The following SLC36A1 variants were observed in gnomAD, a reference collection of about 807,000 sequenced individuals.
SLC36A1 encodes solute carrier family 36 member 1, also known as proton-coupled amino acid transporter 1.
In SLC36A1, 30 loss-of-function variants were observed where a neutral mutation model predicts 47.5. That is an observed-to-expected ratio of 0.63 (90% confidence interval 0.47 to 0.86). The LOEUF is 0.86. Ranked by LOEUF, SLC36A1 falls within the 40% of genes least tolerant of loss-of-function variation. The pLI is 0.00. For missense variants in SLC36A1, 517 were observed against 606.0 expected, an observed-to-expected ratio of 0.85 and a Z score of 1.54; for synonymous variants, 255 against 249.7, an observed-to-expected ratio of 1.02 and a Z score of -0.20.
Position 151,463,762 on chromosome 5 carries a change from G to A in SLC36A1, c.234+119G>A, listed in dbSNP as rs1240673734. On this transcript the variant is annotated intron_variant, in intron 3 of 10. Coordinates refer to ENST00000243389, the MANE Select transcript of SLC36A1 (RefSeq NM_078483.4). ...ATAGAGAAGCATTTTAAAAAAATCA[G>A]TTGACAAAAAGCGGAATTCAGACAT... is the stretch of plus-strand genomic sequence containing the variant. The A allele has an allele frequency of 5.0e-6, 4 of 794,292 alleles. No individual in the cohort carries two copies. The Admixed American group carries it at 7.3e-5, about 14-fold the overall frequency. The allele number at this position is 794,292 out of a possible 1,614,324, so 49.2% of individuals were successfully genotyped here. A position where few individuals can be genotyped will look rare whatever the true frequency, so the allele number is the denominator to read the frequency against.
At chr5:151,508,445 C>T in the SLC36A1 span, among the ~76,000 whole-genome samples, 1 of 152,178 alleles carries the variant, frequency 6.6e-6, no homozygotes, top group African/African-American at 2.4e-5. Context: ...CGCAGTGGCT[C>T]ATGCCTGTAA....
chr5:151,496,159 G>A (rs551208780), downstream of SLC36A1, among the ~76,000 whole-genome samples: 12 of 152,236 alleles, frequency 7.9e-5, no homozygotes, highest in South Asian at 2.1e-4. Flanking sequence ...CGCTGTTCTC[G>A]TGATGGTGAA....
the SLC36A1 span, among the ~76,000 whole-genome samples, chr5:151,418,830 G>T: frequency 1.3e-5 from 2 of 152,138 alleles, no homozygotes; most frequent in African/African-American, 4.8e-5. Flanking sequence ...GGCCAGGGTG[G>T]AATGATATGG....
At chr5:151,552,245 C>G in the SLC36A1 span, among the ~76,000 whole-genome samples, 1 of 152,140 alleles carries the variant, frequency 6.6e-6, no homozygotes, top group African/African-American at 2.4e-5. Flanking sequence ...TTCAGCCTCT[C>G]AAGCAGCTGG....
chr5:151,543,765 T>C, the SLC36A1 span: 9 of 1,614,220 alleles, frequency 5.6e-6, no homozygotes, highest in South Asian at 9.9e-5. Context: ...CAGAAGCACC[T>C]ACCCTCAAAT....
chr5:151,406,522 G>C, the SLC36A1 span: 1 of 152,208 alleles, frequency 6.6e-6, no homozygotes, highest in Non-Finnish European at 1.5e-5. Context: ...AGGTCTTCCA[G>C]TTTGCCACTA....
chr5:151,496,747 G>C (rs1255058448), downstream of SLC36A1, among the ~76,000 whole-genome samples: 1 of 152,146 alleles, frequency 6.6e-6, no homozygotes, highest in East Asian at 1.9e-4. Context: ...GTAGAGAGGG[G>C]GCTTTGCCAT....
At chr5:151,377,495 C>T in the SLC36A1 span, among the ~76,000 whole-genome samples, 44 of 151,362 alleles carry the variant, frequency 2.9e-4, no homozygotes, top group South Asian at 3.8e-3. Flanking sequence ...ACTACAGGCG[C>T]GCGCCACCAT....
rs557434906 is a variant in SLC36A1 at position 151,466,020 on chromosome 5, C to T, written c.419+851C>T. 3.3e-5 allele frequency among the ~76,000 whole-genome samples: 5 copies of T among 150,976 alleles called. No individual in the cohort carries two copies. In the South Asian group the frequency reaches 8.4e-4, roughly 25 times the overall value. ...TTTTTGTTGTCATAGAGGAAACTTA[C>T]TTTCATTCATAGTCACCTTTATCCT... On this transcript the variant is annotated intron_variant, in intron 5 of 10. Coordinates refer to ENST00000243389, the MANE Select transcript of SLC36A1 (RefSeq NM_078483.4).
At chr5:151,363,640 A>T in the SLC36A1 span, among the ~76,000 whole-genome samples, 2 of 152,164 alleles carry the variant, frequency 1.3e-5, no homozygotes, top group Non-Finnish European at 2.9e-5. Flanking sequence ...ATCTTGAATT[A>T]ACAGGCAAGC....
chr5:151,460,780 G>A (rs991649636), intron 2 of SLC36A1, among the ~76,000 whole-genome samples: 2 of 150,554 alleles, frequency 1.3e-5, no homozygotes, highest in African/African-American at 4.9e-5. Context: ...TTAGAGACAA[G>A]TTTTTGAGCT....
the SLC36A1 span, among the ~76,000 whole-genome samples, chr5:151,508,655 A>G: frequency 6.6e-6 from 1 of 151,684 alleles, no homozygotes; most frequent in African/African-American, 2.4e-5. Context: ...GGTTGCAGTG[A>G]GCCGAGATTG....
the SLC36A1 span, chr5:151,554,616 C>T: frequency 4.8e-5 from 78 of 1,613,938 alleles, no homozygotes; most frequent in Non-Finnish European, 6.0e-5. Context: ...TCCAAGATGC[C>T]TACCACCACC....
At chr5:151,465,421 G>C (rs1756205231) in intron 5 of SLC36A1, among the ~76,000 whole-genome samples, 1 of 152,198 alleles carries the variant, frequency 6.6e-6, no homozygotes, top group African/African-American at 2.4e-5. Context: ...AGCCATTCCA[G>C]CTTTGGCGGT....
At chr5:151,377,713 A>G in the SLC36A1 span, among the ~76,000 whole-genome samples, 1 of 152,170 alleles carries the variant, frequency 6.6e-6, no homozygotes, top group East Asian at 1.9e-4. Context: ...TGTTGGATGC[A>G]TATATATTTA....
At chr5:151,532,080 G>C in the SLC36A1 span, 236 of 1,411,886 alleles carry the variant, frequency 1.7e-4, no homozygotes, top group Non-Finnish European at 2.2e-4. Flanking sequence ...CCATGAAGGC[G>C]GACAAGCTGG....
the SLC36A1 span, chr5:151,528,071 C>A: frequency 6.2e-7 from 1 of 1,614,200 alleles, no homozygotes; most frequent in Non-Finnish European, 8.5e-7. Flanking sequence ...CAAGCTGGTT[C>A]CCTCCTATGA....
At chr5:151,433,243 TATATATATATATATATATATA>T (rs1759503772), upstream of SLC36A1, among the ~76,000 whole-genome samples, 1 of 12,062 alleles carries the variant, frequency 8.3e-5, no homozygotes, top group African/African-American at 3.2e-4. Context: ...TATATATATA[TATATATATATATATATATATA>T]TATTTTTTTT....
At chr5:151,359,761 C>A in the SLC36A1 span, among the ~76,000 whole-genome samples, 1 of 152,172 alleles carries the variant, frequency 6.6e-6, no homozygotes, top group Non-Finnish European at 1.5e-5. Flanking sequence ...TGGTTGTTTG[C>A]ATTTGGCTTC....
Sources: gnomAD v4.1 joint callset for allele counts (sites outside exome capture counted in the v4.1 genomes callset) on GRCh38, gnomAD v4.1.1 for gene constraint, MANE v1.5 for transcripts, NCBI Gene and HGNC (gene_info 2026-07-23, HGNC 2026-07-21) for gene names.